Variants in TMEM217B observed in about 807,000 individuals in gnomAD.
TMEM217B encodes the protein transmembrane protein 217B.
chr6:37,216,805 C>CATAA, the TMEM217B span, among the ~76,000 whole-genome samples: 8 of 152,208 alleles, frequency 5.3e-5, no homozygotes, highest in East Asian at 1.4e-3. Flanking sequence ...AATAAGTGAC[C>CATAA]TTATAAAGGG....
At chr6:37,216,398 ATCTT>A in the TMEM217B span, among the ~76,000 whole-genome samples, 1 of 152,134 alleles carries the variant, frequency 6.6e-6, no homozygotes, top group Non-Finnish European at 1.5e-5. Context: ...TTTTAGAAAA[ATCTT>A]TCTTGCTGCT....
the TMEM217B span, among the ~76,000 whole-genome samples, chr6:37,254,295 A>G: frequency 6.6e-6 from 1 of 152,252 alleles, no homozygotes; most frequent in South Asian, 2.1e-4. Flanking sequence ...GCCAAGAAGG[A>G]CCTCCATCAG....
chr6:37,212,467 A>T, the TMEM217B span: 2 of 451,736 alleles, frequency 4.4e-6, no homozygotes, highest in Non-Finnish European at 4.5e-6. Flanking sequence ...TCATGAGTTC[A>T]CTGCAATGGT....
chr6:37,256,487 T>A, the TMEM217B span, among the ~76,000 whole-genome samples: 1 of 152,206 alleles, frequency 6.6e-6, no homozygotes, highest in East Asian at 1.9e-4. Flanking sequence ...AGGGGCTTTT[T>A]TTCTCTGGGT....
the TMEM217B span, among the ~76,000 whole-genome samples, chr6:37,217,374 T>C: frequency 1.3e-5 from 2 of 152,264 alleles, no homozygotes; most frequent in Non-Finnish European, 2.9e-5. Context: ...TATGTAATCA[T>C]ATACTGTCTT....
chr6:37,247,322 C>T, the TMEM217B span, among the ~76,000 whole-genome samples: 14 of 151,236 alleles, frequency 9.3e-5, no homozygotes, highest in African/African-American at 2.2e-4. Flanking sequence ...GACAGAAACA[C>T]GAGTGGGGAA....
At chr6:37,244,303 T>C in the TMEM217B span, among the ~76,000 whole-genome samples, 1 of 152,282 alleles carries the variant, frequency 6.6e-6, no homozygotes, top group South Asian at 2.1e-4. Flanking sequence ...TTTCTCTTAC[T>C]GTCGTAGTTT....
chr6:37,257,380 A>T, the TMEM217B span, among the ~76,000 whole-genome samples: 3 of 152,212 alleles, frequency 2.0e-5, no homozygotes, highest in Admixed American at 1.3e-4. Flanking sequence ...TAATAACCAG[A>T]GTGTCATTGA....
At chr6:37,252,631 A>ATG in the TMEM217B span, among the ~76,000 whole-genome samples, 1 of 77,328 alleles carries the variant, frequency 1.3e-5, no homozygotes, top group Non-Finnish European at 2.4e-5. Flanking sequence ...ATATATATAT[A>ATG]TATATATTTT....
the TMEM217B span, chr6:37,219,131 T>C: frequency 8.5e-7 from 1 of 1,172,516 alleles, no homozygotes; most frequent in Non-Finnish European, 1.2e-6. Flanking sequence ...AAATCTACTT[T>C]GGAGAAATAT....
At chr6:37,226,720 C>G in the TMEM217B span, among the ~76,000 whole-genome samples, 1 of 152,012 alleles carries the variant, frequency 6.6e-6, no homozygotes, top group African/African-American at 2.4e-5. Context: ...TGCAACCACA[C>G]CCAGCTAATT....
the TMEM217B span, among the ~76,000 whole-genome samples, chr6:37,240,334 G>C: frequency 1.3e-5 from 2 of 152,212 alleles, no homozygotes; most frequent in African/African-American, 4.8e-5. Flanking sequence ...TTGTGGGAGG[G>C]AAGTTTCATC....
At chr6:37,236,899 C>T in the TMEM217B span, among the ~76,000 whole-genome samples, 1 of 152,178 alleles carries the variant, frequency 6.6e-6, no homozygotes, top group Non-Finnish European at 1.5e-5. Context: ...CTGGCGATTG[C>T]TCTTGGCTGT....
the TMEM217B span, among the ~76,000 whole-genome samples, chr6:37,236,107 T>C: frequency 1.4e-3 from 219 of 152,280 alleles, 3 homozygotes; most frequent in African/African-American, 5.0e-3. Flanking sequence ...CATCATCGTG[T>C]TTGAACTGAA....
chr6:37,229,157 T>C, the TMEM217B span, among the ~76,000 whole-genome samples: 1 of 151,152 alleles, frequency 6.6e-6, no homozygotes, highest in Non-Finnish European at 1.5e-5. Context: ...AAGAGGGAGG[T>C]GTATTTGTAT....
the TMEM217B span, chr6:37,218,720 T>C: frequency 3.7e-6 from 6 of 1,613,972 alleles, no homozygotes; most frequent in African/African-American, 1.3e-5. Flanking sequence ...TGCAGTTTCA[T>C]AGAAAAAAAT....
chr6:37,257,861 G>A, the TMEM217B span: 1 of 1,585,958 alleles, frequency 6.3e-7, no homozygotes, highest in African/African-American at 1.3e-5. Context: ...GGGGTCTGGG[G>A]GCATCTCGCC....
At chr6:37,229,206 T>G in the TMEM217B span, among the ~76,000 whole-genome samples, 2 of 149,676 alleles carry the variant, frequency 1.3e-5, no homozygotes, top group African/African-American at 5.1e-5. Flanking sequence ...GATTTTTACC[T>G]GTCAGATTTA....
the TMEM217B span, among the ~76,000 whole-genome samples, chr6:37,248,061 C>T: frequency 6.6e-6 from 1 of 152,212 alleles, no homozygotes; most frequent in South Asian, 2.1e-4. Flanking sequence ...GGATGCTTTT[C>T]CCTGCCTCTT....
Sources: gnomAD v4.1 joint callset for allele counts (sites outside exome capture counted in the v4.1 genomes callset) on GRCh38, gnomAD v4.1.1 for gene constraint, MANE v1.5 for transcripts, NCBI Gene and HGNC (gene_info 2026-07-23, HGNC 2026-07-21) for gene names.